RTF1: variants seen among roughly 807,000 people sequenced by gnomAD.
RTF1 encodes the protein RTF1 homolog, Paf1/RNA polymerase II complex component, also known as RNA polymerase-associated protein RTF1 homolog.
Under a neutral mutation model 95.7 loss-of-function variants are expected in RTF1, and 10 were observed. The observed-to-expected ratio is 0.10, with a 90% CI of 0.06 to 0.18. The LOEUF is 0.18. RTF1 is among the 10% of genes least tolerant of loss of function. The pLI is 1.00. For synonymous variants in RTF1, 305 were observed against 311.8 expected (o/e 0.98, Z 0.23); for missense variants, 458 against 875.6 (o/e 0.52, Z 6.02).
intron 3 of RTF1, among the ~76,000 whole-genome samples, chr15:41,454,827 T>G (rs1229873525): frequency 6.6e-6 from 1 of 152,216 alleles, no homozygotes; most frequent in Non-Finnish European, 1.5e-5. Flanking sequence ...CAACTTAAAT[T>G]AACTAAAAAG....
chr15:41,472,374 T>C (rs1430367435), intron 8 of RTF1, among the ~76,000 whole-genome samples: 1 of 151,548 alleles, frequency 6.6e-6, no homozygotes, highest in Non-Finnish European at 1.5e-5. Context: ...GCCTGGCTAC[T>C]GTTTGTATTT....
chr15:41,445,890 C>A (rs1381980470), intron 2 of RTF1, among the ~76,000 whole-genome samples: 1 of 151,914 alleles, frequency 6.6e-6, no homozygotes, highest in Non-Finnish European at 1.5e-5. Flanking sequence ...CGCATGCTAC[C>A]ACGCCCAGCT....
intron 2 of RTF1, among the ~76,000 whole-genome samples, chr15:41,444,787 C>G (rs2050752708): frequency 6.6e-6 from 1 of 152,118 alleles, no homozygotes; most frequent in Admixed American, 6.6e-5. Context: ...TTCTATAACA[C>G]TTCCAACTTA....
chr15:41,417,915 T>G (rs2050579809), intron 1 of RTF1, among the ~76,000 whole-genome samples: 1 of 152,066 alleles, frequency 6.6e-6, no homozygotes, highest in South Asian at 2.1e-4. Context: ...GGGCCCTTGT[T>G]GAGGTGTCAG....
At position 41,442,095 on chromosome 15, in the gene RTF1, TG is replaced by T. The variant is rs371350506; in HGVS notation, c.309+3667del. Among the ~76,000 whole-genome samples, 31 of 152,262 alleles carry T rather than the reference TG, an allele frequency of 2.0e-4. No homozygotes were observed. In the East Asian group the frequency reaches 5.8e-3, roughly 28 times the overall value. Reference sequence around the variant, plus strand: ...TATTGCTGCTGTGGACATTTTAGATTGGGTAGGGGACTTCTGAGAGATTCTT... The same window carrying T: ...TATTGCTGCTGTGGACATTTTAGATTGGTAGGGGACTTCTGAGAGATTCTT... On this transcript the variant is annotated intron_variant, in intron 2 of 17. Transcript: ENST00000389629.
intron 3 of RTF1, among the ~76,000 whole-genome samples, chr15:41,453,917 A>C (rs1245788309): frequency 6.6e-6 from 1 of 152,132 alleles, no homozygotes; most frequent in Admixed American, 6.6e-5. Context: ...GCACATGCCT[A>C]TGAATGTTAG....
chr15:41,466,262 G>A lies in RTF1; in HGVS notation c.889+10G>A. On this transcript the variant is annotated intron_variant, in intron 6 of 17. Coordinates refer to ENST00000389629, the MANE Select transcript of RTF1 (RefSeq NM_015138.5). ...CGAAAGAACAGAACAGGTAAGCGAG[G>A]GAAATATAATGGCTACTTGTGTCTT... 1 of 1,516,140 alleles carries A rather than the reference G, an allele frequency of 6.6e-7. No individual in the cohort carries two copies. The highest frequency in any genetic ancestry group is 8.9e-7 in the Non-Finnish European group (1 of 1,127,162). 93.9% of individuals were successfully genotyped at this position (1,516,140 alleles called of 1,614,324 possible).
At chr15:41,454,118 C>T (rs897298402) in intron 3 of RTF1, among the ~76,000 whole-genome samples, 4 of 151,924 alleles carry the variant, frequency 2.6e-5, no homozygotes, top group Admixed American at 6.6e-5. Flanking sequence ...ATTATCGAGA[C>T]AGAGTTTCGC....
At chr15:41,438,982 T>C (rs1355431022) in intron 2 of RTF1, among the ~76,000 whole-genome samples, 1 of 151,612 alleles carries the variant, frequency 6.6e-6, no homozygotes. Flanking sequence ...TTTTTTTTTT[T>C]CAGCCTTATT....
chr15:41,438,508 A>G, intron 2 of RTF1, 77 bp downstream of exon 2: 1 of 872,578 alleles, frequency 1.1e-6, no homozygotes, highest in Non-Finnish European at 1.8e-6. Flanking sequence ...TGTTGGCCTC[A>G]TTTCCTTAAA....
In RTF1 at chr15:41,470,365, G is replaced by T; in HGVS notation, c.998G>T (p.Arg333Leu). The T allele has an allele frequency of 6.2e-7, 1 of 1,613,968 alleles. No homozygotes were observed. Among genetic ancestry groups the T allele is most frequent in the South Asian group, 1.1e-5 (1 of 91,064 alleles). The change falls in exon 7 of 18, where the codon CGA (arginine) becomes CTA (leucine). Residue 333 changes from arginine (R) to leucine (L), a missense_variant. Around this residue, in one of 11 missense-constraint regions of RTF1, gnomAD observed 150 missense variants for 275.7 expected, o/e 0.54. Coordinates refer to ENST00000389629, the MANE Select transcript of RTF1 (RefSeq NM_015138.5). ...KSSEKSDRSS[R>L]TSSSDEEEEK... ...AGTGAAAAGTCAGACCGCTCATCACGAACATCATCGTCTGATGAAGAAGAG... is the reference window on the plus strand; with the variant it reads ...AGTGAAAAGTCAGACCGCTCATCACTAACATCATCGTCTGATGAAGAAGAG...
At chr15:41,451,425 C>A (rs2050789017) in intron 2 of RTF1, among the ~76,000 whole-genome samples, 1 of 152,124 alleles carries the variant, frequency 6.6e-6, no homozygotes, top group Non-Finnish European at 1.5e-5. Flanking sequence ...GGCCTTTCAA[C>A]TTATAATTAA....
intron 1 of RTF1, among the ~76,000 whole-genome samples, chr15:41,431,184 G>A (rs539013874): frequency 2.7e-5 from 4 of 150,910 alleles, no homozygotes; most frequent in Non-Finnish European, 4.4e-5. Flanking sequence ...GATTACAGTC[G>A]TGAGCCACTG....
Position 41,464,490 on chromosome 15 carries a change from C to T in RTF1, c.663-281C>T, listed in dbSNP as rs529244854. 1.7e-4 allele frequency among the ~76,000 whole-genome samples: 25 copies of T among 150,636 alleles called. 1 individual carries two copies. Among genetic ancestry groups the T allele is most frequent in the Middle Eastern group, 3.6e-3 (1 of 278 alleles). ...TCTCGATCTCTTGATCCCCCCGCCT[C>T]GGCCTCCCAAAATGCTGGGATTACA... On this transcript the variant is annotated intron_variant, in intron 4 of 17. Transcript: ENST00000389629.
chr15:41,447,409 G>A (rs538443577), intron 2 of RTF1, among the ~76,000 whole-genome samples: 6 of 152,220 alleles, frequency 3.9e-5, no homozygotes, highest in African/African-American at 1.4e-4. Context: ...ACAGAATGGG[G>A]ACCTGCTTAT....
At chr15:41,418,832 T>C (rs1449258063) in intron 1 of RTF1, among the ~76,000 whole-genome samples, 3 of 150,678 alleles carry the variant, frequency 2.0e-5, no homozygotes, top group Non-Finnish European at 4.4e-5. Flanking sequence ...TATTAAGGCA[T>C]AAAAGGGGAG....
chr15:41,419,672 G>C (rs571906062), intron 1 of RTF1, among the ~76,000 whole-genome samples: 4 of 152,184 alleles, frequency 2.6e-5, no homozygotes, highest in Non-Finnish European at 5.9e-5. Context: ...AGTGATGAAT[G>C]AACTGAACTG....
intron 13 of RTF1, 56 bp downstream of exon 13, chr15:41,477,342 G>A (rs1208066379): frequency 2.7e-5 from 44 of 1,613,696 alleles, no homozygotes; most frequent in Admixed American, 1.2e-4. Flanking sequence ...TATCAGGCAA[G>A]CCTGTGGCCT....
At chr15:41,470,659 T>TC (rs1211056565) in intron 7 of RTF1, among the ~76,000 whole-genome samples, 1 of 131,356 alleles carries the variant, frequency 7.6e-6, no homozygotes, top group Non-Finnish European at 1.6e-5. Flanking sequence ...TCTTTTTTTT[T>TC]TTTTTTTTTT....
Sources: gnomAD v4.1 joint callset for allele counts (sites outside exome capture counted in the v4.1 genomes callset) on GRCh38, gnomAD v4.1.1 for gene constraint, gnomAD v4.1.1 regional missense constraint, MANE v1.5 for transcripts, NCBI Gene and HGNC (gene_info 2026-07-23, HGNC 2026-07-21) for gene names.